ST18: variants seen among roughly 807,000 people sequenced by gnomAD.
The protein encoded by ST18 is suppression of tumorigenicity 18 protein.
Under a neutral mutation model 110.0 loss-of-function variants are expected in ST18, and 50 were observed. That is an observed-to-expected ratio of 0.45 (90% CI 0.36 to 0.58). ST18 has a LOEUF of 0.58. ST18 is among the 20% of genes least tolerant of loss of function. The pLI, the probability that ST18 is intolerant of heterozygous loss-of-function variation, is 0.00. For missense variants in ST18, 1,306 were observed against 1,280.1 expected (o/e 1.02, Z -0.31); for synonymous variants, 461 against 452.4 (o/e 1.02, Z -0.24).
intron 8 of ST18, among the ~76,000 whole-genome samples, chr8:52,188,406 G>A (rs573717705): frequency 1.3e-5 from 2 of 152,318 alleles, no homozygotes; most frequent in Admixed American, 6.5e-5. Flanking sequence ...AGGGCCCTGA[G>A]ATAGCACCGT....
intron 2 of ST18, among the ~76,000 whole-genome samples, chr8:52,276,731 A>G (rs1362626140): frequency 6.6e-6 from 1 of 152,124 alleles, no homozygotes; most frequent in Non-Finnish European, 1.5e-5. Flanking sequence ...GTGGAAAGTA[A>G]AGAATTATCT....
chr8:52,141,377 C>G (rs2054976790), intron 17 of ST18, among the ~76,000 whole-genome samples: 1 of 151,972 alleles, frequency 6.6e-6, no homozygotes, highest in Non-Finnish European at 1.5e-5. Flanking sequence ...TATTATGCAC[C>G]AATGGTGTGG....
At chr8:52,238,745 G>A (rs907928412) in intron 2 of ST18, among the ~76,000 whole-genome samples, 3 of 151,430 alleles carry the variant, frequency 2.0e-5, no homozygotes, top group Admixed American at 6.6e-5. Flanking sequence ...TTATCTTAAG[G>A]GAAATAAGTT....
chr8:52,382,608 A>T (rs1834987400), intron 2 of ST18, among the ~76,000 whole-genome samples: 1 of 152,220 alleles, frequency 6.6e-6, no homozygotes, highest in Non-Finnish European at 1.5e-5. Flanking sequence ...CCAGAAGACA[A>T]AAAGAAGAGG....
intron 22 of ST18, among the ~76,000 whole-genome samples, chr8:52,131,151 C>G (rs1442674762): frequency 6.6e-6 from 1 of 152,186 alleles, no homozygotes; most frequent in Non-Finnish European, 1.5e-5. Context: ...AGCAAAATCT[C>G]AAAAAGCCCC....
At chr8:52,382,136 T>C (rs1419260119) in intron 2 of ST18, among the ~76,000 whole-genome samples, 3 of 152,200 alleles carry the variant, frequency 2.0e-5, no homozygotes, top group African/African-American at 7.2e-5. Flanking sequence ...CAAAACCTTC[T>C]GGCACCCAAA....
In ST18 at chr8:52,133,416, T is replaced by C. The variant is rs73679135; in HGVS notation, c.2301-115A>G. 977 of 1,266,206 alleles carry C rather than the reference T, an allele frequency of 7.7e-4. 11 individuals are homozygous for C. In the African/African-American group the frequency reaches 0.011, roughly 15 times the overall value. 78.4% of individuals were successfully genotyped at this position (1,266,206 alleles called of 1,614,324 possible). On this transcript the variant is annotated intron_variant, in intron 19 of 25. Coordinates refer to ENST00000689386, the MANE Select transcript of ST18 (RefSeq NM_001352837.2). ...ACATTAATGTTCCAAGTCTCTGTAG[T>C]TCACGTGGAGGGAGGCGGGGTCACA...
chr8:52,306,713 T>G (rs900754929), intron 2 of ST18, among the ~76,000 whole-genome samples: 1 of 152,188 alleles, frequency 6.6e-6, no homozygotes, highest in East Asian at 1.9e-4. Flanking sequence ...CTGAAATAGG[T>G]CAGTGGTGGT....
At chr8:52,270,911 G>GTTT (rs562488412) in intron 2 of ST18, among the ~76,000 whole-genome samples, 4,901 of 144,716 alleles carry the variant, frequency 0.034, 280 homozygotes, top group African/African-American at 0.12. Flanking sequence ...TATAAGTTTT[G>GTTT]TTTTTTTTTT....
At chr8:52,129,999 C>T (rs767058259) in intron 22 of ST18, among the ~76,000 whole-genome samples, 11 of 149,500 alleles carry the variant, frequency 7.4e-5, no homozygotes, top group Non-Finnish European at 1.0e-4. Context: ...GAGCCGAGGT[C>T]GAGCCCACTG....
chr8:52,132,671 G>T (rs1166739051), intron 21 of ST18, among the ~76,000 whole-genome samples: 1 of 152,080 alleles, frequency 6.6e-6, no homozygotes, highest in African/African-American at 2.4e-5. Flanking sequence ...ATCTATATCT[G>T]CATATATCAT....
chr8:52,393,297 G>T (rs920886946), intron 2 of ST18, among the ~76,000 whole-genome samples: 1 of 152,272 alleles, frequency 6.6e-6, no homozygotes, highest in South Asian at 2.1e-4. Context: ...GTGATGCCCA[G>T]ACCTGCGGCA....
chr8:52,234,689 C>A (rs2092318251), intron 2 of ST18, among the ~76,000 whole-genome samples: 1 of 151,548 alleles, frequency 6.6e-6, no homozygotes, highest in African/African-American at 2.4e-5. Flanking sequence ...CGGAACCAAC[C>A]CAAATGTCCA....
chr8:52,304,072 G>A (rs1387935357), intron 2 of ST18, among the ~76,000 whole-genome samples: 2 of 152,192 alleles, frequency 1.3e-5, no homozygotes, highest in African/African-American at 2.4e-5. Context: ...ATTCATGCAT[G>A]TCTTCTGTAA....
chr8:52,161,644 G>A, intron 13 of ST18, 76 bp from the exon 14 acceptor site: 1 of 1,489,588 alleles, frequency 6.7e-7, no homozygotes, highest in Non-Finnish European at 9.2e-7. Flanking sequence ...AGAATTTACA[G>A]TAGATACATG....
chr8:52,345,996 GA>G (rs1817562034), intron 2 of ST18, among the ~76,000 whole-genome samples: 1 of 151,830 alleles, frequency 6.6e-6, no homozygotes, highest in African/African-American at 2.4e-5. Context: ...ATAATCTCTA[GA>G]AAGAGAAAGA....
At chr8:52,191,872 A>G (rs2074615220) in intron 8 of ST18, among the ~76,000 whole-genome samples, 1 of 152,204 alleles carries the variant, frequency 6.6e-6, no homozygotes, top group Non-Finnish European at 1.5e-5. Flanking sequence ...CTGGAATATC[A>G]GGGAACAGGA....
At chr8:52,136,306 T>C (rs1193201280) in intron 19 of ST18, among the ~76,000 whole-genome samples, 4 of 152,210 alleles carry the variant, frequency 2.6e-5, no homozygotes, top group African/African-American at 7.2e-5. Context: ...ATTTAATACA[T>C]AGACTGTGAA....
chr8:52,165,956 G>A (rs1050600092), intron 11 of ST18, among the ~76,000 whole-genome samples: 1 of 152,204 alleles, frequency 6.6e-6, no homozygotes, highest in Non-Finnish European at 1.5e-5. Flanking sequence ...CCAGTAGATA[G>A]CTCACAGCGG....
Sources: allele counts gnomAD v4.1 joint callset (sites outside exome capture counted in the v4.1 genomes callset), GRCh38; gene constraint gnomAD v4.1.1; transcripts MANE v1.5; gene names NCBI Gene and HGNC (gene_info 2026-07-23, HGNC 2026-07-21).